L3MBTL4: variants seen among roughly 807,000 people sequenced by gnomAD.
L3MBTL4 encodes the protein L3MBTL histone methyl-lysine binding protein 4.
A neutral mutation model predicts 84.5 loss-of-function variants in L3MBTL4; 70 were observed. The observed-to-expected ratio is 0.83, with a 90% CI of 0.68 to 1.01. The LOEUF (loss-of-function observed/expected upper bound fraction) is 1.01. Among genes scored for constraint, L3MBTL4 ranks in the 50% least tolerant of loss-of-function variants. L3MBTL4 has a pLI of 0.00. For missense variants in L3MBTL4, 715 were observed against 754.8 expected (o/e 0.95, Z 0.62); for synonymous variants, 274 against 259.8 (o/e 1.05, Z -0.52).
rs372624711 is a variant in L3MBTL4 at position 6,223,421 on chromosome 18, A to G, written c.785-7586T>C. 6.8e-4 allele frequency among the ~76,000 whole-genome samples: 104 copies of G among 152,370 alleles called. 1 individual carries two copies. In the South Asian group the frequency reaches 0.021, roughly 31 times the overall value. On this transcript the variant is annotated intron_variant, in intron 10 of 18. Coordinates refer to ENST00000317931, the MANE Select transcript of L3MBTL4 (RefSeq NM_001330559.2). ...TTATTATAAAGAAAGAATTTGAACTATACAGATGAGTTGGAAGGAATTTGC... is the reference window on the plus strand; with the variant it reads ...TTATTATAAAGAAAGAATTTGAACTGTACAGATGAGTTGGAAGGAATTTGC...
chr18:6,242,007 T>C (rs1335550825), intron 7 of L3MBTL4, among the ~76,000 whole-genome samples: 3 of 152,140 alleles, frequency 2.0e-5, no homozygotes, highest in Admixed American at 2.0e-4. Context: ...TAGTCTCCCA[T>C]TAAAAACTGC....
chr18:6,304,126 G>A (rs1049674150), intron 3 of L3MBTL4, among the ~76,000 whole-genome samples: 1 of 151,626 alleles, frequency 6.6e-6, no homozygotes, highest in Non-Finnish European at 1.5e-5. Context: ...AAGCAAACTA[G>A]TTTTTAACTG....
intron 14 of L3MBTL4, among the ~76,000 whole-genome samples, chr18:6,106,256 A>C (rs1419628345): frequency 6.6e-6 from 1 of 152,218 alleles, no homozygotes; most frequent in Non-Finnish European, 1.5e-5. Context: ...ACAGAAAATA[A>C]AAATTATGAA....
At chr18:6,056,619 A>G (rs889030555) in intron 16 of L3MBTL4, among the ~76,000 whole-genome samples, 2 of 152,160 alleles carry the variant, frequency 1.3e-5, no homozygotes, top group African/African-American at 4.8e-5. Context: ...GCCCACCCCC[A>G]GGGCTCAGCC....
At chr18:6,297,725 T>A (rs533101724) in intron 4 of L3MBTL4, among the ~76,000 whole-genome samples, 2 of 152,344 alleles carry the variant, frequency 1.3e-5, no homozygotes, top group Admixed American at 1.3e-4. Context: ...ATACTTTTTA[T>A]CTAACAACTT....
intron 14 of L3MBTL4, among the ~76,000 whole-genome samples, chr18:6,106,021 T>C (rs1195839952): frequency 6.6e-6 from 1 of 152,202 alleles, no homozygotes; most frequent in South Asian, 2.1e-4. Context: ...CTTTATATAT[T>C]AGCTCATGCA....
chr18:6,255,142 G>A (rs1161339178), intron 5 of L3MBTL4, among the ~76,000 whole-genome samples: 2 of 152,108 alleles, frequency 1.3e-5, no homozygotes, highest in African/African-American at 4.8e-5. Context: ...AATAGACAAG[G>A]ATACTTCTAA....
intron 14 of L3MBTL4, among the ~76,000 whole-genome samples, chr18:6,097,120 T>A (rs1352917251): frequency 6.6e-6 from 1 of 152,230 alleles, no homozygotes; most frequent in Non-Finnish European, 1.5e-5. Context: ...AAATTTTGCA[T>A]GGTTCTACCA....
At chr18:6,119,178 T>C (rs1365468849) in intron 14 of L3MBTL4, among the ~76,000 whole-genome samples, 2 of 142,948 alleles carry the variant, frequency 1.4e-5, no homozygotes, top group Non-Finnish European at 3.0e-5. Flanking sequence ...ACTGGTTTAT[T>C]TGCCACCAGC....
chr18:6,328,475 A>G (rs2051844376), intron 1 of L3MBTL4, among the ~76,000 whole-genome samples: 1 of 152,218 alleles, frequency 6.6e-6, no homozygotes, highest in Admixed American at 6.5e-5. Context: ...ACCACTAAGC[A>G]CTGTTCAAAT....
At chr18:6,085,889 A>C (rs1296233924) in intron 15 of L3MBTL4, among the ~76,000 whole-genome samples, 1 of 152,240 alleles carries the variant, frequency 6.6e-6, no homozygotes, top group East Asian at 1.9e-4. Context: ...TGACCTAAGC[A>C]TGCAGCATCA....
intron 10 of L3MBTL4, among the ~76,000 whole-genome samples, chr18:6,236,450 T>A (rs899167228): frequency 6.6e-6 from 1 of 152,230 alleles, no homozygotes; most frequent in Admixed American, 6.5e-5. Context: ...GCAGAATTTT[T>A]CTAGGCTCAC....
At chr18:5,980,024 C>T (rs756008141) in intron 16 of L3MBTL4, among the ~76,000 whole-genome samples, 14 of 152,212 alleles carry the variant, frequency 9.2e-5, no homozygotes, top group Non-Finnish European at 1.8e-4. Flanking sequence ...TGCTGCTCAC[C>T]CTGCTTGTCC....
chr18:6,081,174 C>T, intron 15 of L3MBTL4: 4 of 407,254 alleles, frequency 9.8e-6, no homozygotes, highest in Non-Finnish European at 1.7e-5. Context: ...AGGCCTTTCC[C>T]CCCTCATTCT....
chr18:6,351,086 C>T (rs565726898), intron 1 of L3MBTL4, among the ~76,000 whole-genome samples: 44 of 152,222 alleles, frequency 2.9e-4, no homozygotes, highest in African/African-American at 1.0e-3. Flanking sequence ...ATCCCAGCTA[C>T]TCAAGAGGCT....
At chr18:6,369,312 G>C (rs2054063296) in intron 1 of L3MBTL4, among the ~76,000 whole-genome samples, 1 of 152,110 alleles carries the variant, frequency 6.6e-6, no homozygotes, top group Non-Finnish European at 1.5e-5. Context: ...AAGAAAGTAG[G>C]TTGAAAGCAA....
chr18:6,173,988 A>G (rs1296034868), intron 12 of L3MBTL4, among the ~76,000 whole-genome samples: 1 of 152,098 alleles, frequency 6.6e-6, no homozygotes, highest in Non-Finnish European at 1.5e-5. Context: ...CACTTTGACA[A>G]TTTGACTGAG....
At chr18:6,321,554 G>A (rs993322702) in intron 1 of L3MBTL4, among the ~76,000 whole-genome samples, 14 of 152,134 alleles carry the variant, frequency 9.2e-5, no homozygotes, top group African/African-American at 3.4e-4. Context: ...TCCCACTACT[G>A]GGTATCTAGC....
rs9966613 is a variant in L3MBTL4 at position 6,008,166 on chromosome 18, G to A, written c.1445-38604C>T. Among the ~76,000 whole-genome samples, 916 of 152,180 alleles carry A rather than the reference G, an allele frequency of 6.0e-3. 8 individuals are homozygous for A. The highest frequency in any genetic ancestry group is 0.02 in the African/African-American group (848 of 41,518). On this transcript the variant is annotated intron_variant, in intron 16 of 18. Transcript: ENST00000317931. Reference sequence around the variant, plus strand: ...TTTGATCCCAATGGTAAGTGGCCACGGGGATCTATCCTTGCAGAGTGAGAA... The same window carrying A: ...TTTGATCCCAATGGTAAGTGGCCACAGGGATCTATCCTTGCAGAGTGAGAA...
Sources: gnomAD v4.1 joint callset for allele counts (sites outside exome capture counted in the v4.1 genomes callset) on GRCh38, gnomAD v4.1.1 for gene constraint, MANE v1.5 for transcripts, NCBI Gene and HGNC (gene_info 2026-07-23, HGNC 2026-07-21) for gene names.